The following FMN2 variants were observed in gnomAD, a reference collection of about 807,000 sequenced individuals.
The protein encoded by FMN2 is formin 2, also known as formin-2.
A neutral mutation model predicts 142.3 loss-of-function variants in FMN2; 51 were observed. The observed-to-expected ratio is 0.36, with a 90% confidence interval of 0.29 to 0.45. FMN2 has a LOEUF of 0.45. Among genes scored for constraint, FMN2 ranks in the 20% least tolerant of loss-of-function variants. The pLI, the probability that FMN2 is intolerant of heterozygous loss-of-function variation, is 1.00. For missense variants in FMN2, 1,936 were observed against 2,122.8 expected (o/e 0.91, Z 1.73); for synonymous variants, 882 against 869.8 (o/e 1.01, Z -0.25).
intron 7 of FMN2, among the ~76,000 whole-genome samples, chr1:240,290,780 G>GTTTTTTTTTTT (rs869026471): frequency 6.0e-5 from 6 of 100,194 alleles, no homozygotes; most frequent in Admixed American, 1.2e-4. Flanking sequence ...TGTTTGTTTG[G>GTTTTTTTTTTT]TTTTTTTTTT....
At chr1:240,472,683 A>G (rs1349636845) in intron 17 of FMN2, among the ~76,000 whole-genome samples, 2 of 152,094 alleles carry the variant, frequency 1.3e-5, no homozygotes, top group Non-Finnish European at 2.9e-5. Flanking sequence ...GTGGTGGCTC[A>G]TGCCTGTAAT....
chr1:240,301,098 C>G (rs1486823700), intron 8 of FMN2, among the ~76,000 whole-genome samples: 1 of 150,696 alleles, frequency 6.6e-6, no homozygotes, highest in Admixed American at 6.6e-5. Flanking sequence ...CATTTTTTGT[C>G]CCTCTAATTC....
chr1:240,455,176 G>T (rs200369307), intron 16 of FMN2, among the ~76,000 whole-genome samples: 1 of 35,938 alleles, frequency 2.8e-5, no homozygotes, highest in South Asian at 6.7e-4. Flanking sequence ...ATGACCATCG[G>T]AAAGTAAAGA....
At chr1:240,336,702 CAGA>C (rs1671576177) in intron 13 of FMN2, among the ~76,000 whole-genome samples, 1 of 151,602 alleles carries the variant, frequency 6.6e-6, no homozygotes, top group Non-Finnish European at 1.5e-5. Flanking sequence ...GTGTTAGTAA[CAGA>C]AGAATGGCAT....
At chr1:240,462,024 T>G (rs1676466583) in intron 16 of FMN2, among the ~76,000 whole-genome samples, 1 of 152,192 alleles carries the variant, frequency 6.6e-6, no homozygotes, top group Non-Finnish European at 1.5e-5. Context: ...ATTTCAACCT[T>G]CCTCAATGAG....
At chr1:240,324,874 T>G (rs576929542) in intron 8 of FMN2, among the ~76,000 whole-genome samples, 3 of 152,138 alleles carry the variant, frequency 2.0e-5, no homozygotes, top group Non-Finnish European at 4.4e-5. Context: ...GAATATTCAC[T>G]GCATGTCTGT....
chr1:240,418,201 ATT>A (rs147438271), intron 15 of FMN2, among the ~76,000 whole-genome samples: 4 of 138,142 alleles, frequency 2.9e-5, no homozygotes, highest in East Asian at 2.1e-4. Context: ...ATTTATTATG[ATT>A]TTTTTTTTTT....
intron 2 of FMN2, among the ~76,000 whole-genome samples, chr1:240,136,873 T>G (rs6688908): frequency 2.6e-5 from 4 of 151,612 alleles, no homozygotes; most frequent in Non-Finnish European, 4.4e-5. Flanking sequence ...GAGTTTGAGA[T>G]CAGCCTGACC....
intron 7 of FMN2, among the ~76,000 whole-genome samples, chr1:240,277,932 G>A (rs997662126): frequency 3.3e-5 from 5 of 152,004 alleles, no homozygotes; most frequent in Non-Finnish European, 5.9e-5. Context: ...TATTGAGTTC[G>A]TTAAAAATGG....
At position 240,340,948 on chromosome 1, in the gene FMN2, C is replaced by T. The variant is rs950707539; in HGVS notation, c.4765+6719C>T. 2.6e-5 allele frequency among the ~76,000 whole-genome samples: 4 copies of T among 152,168 alleles called. 1 individual carries two copies. In the Middle Eastern group the frequency reaches 0.01, roughly 388 times the overall value. On this transcript the variant is annotated intron_variant, in intron 13 of 17. Coordinates refer to ENST00000319653, the MANE Select transcript of FMN2 (RefSeq NM_020066.5). Reference sequence around the variant, plus strand: ...GTATTACTTCACTTTTCTCTTTTTTCCTGAAACTCCTTTTAGATGTACATT... The same window carrying T: ...GTATTACTTCACTTTTCTCTTTTTTTCTGAAACTCCTTTTAGATGTACATT...
At chr1:240,408,376 G>A (rs1319057919) in intron 15 of FMN2, among the ~76,000 whole-genome samples, 3 of 151,990 alleles carry the variant, frequency 2.0e-5, no homozygotes, top group Non-Finnish European at 4.4e-5. Flanking sequence ...GAATGAAAAA[G>A]GCAATAAGAA....
intron 14 of FMN2, among the ~76,000 whole-genome samples, chr1:240,367,877 C>A (rs535624009): frequency 1.3e-5 from 2 of 151,178 alleles, no homozygotes; most frequent in South Asian, 4.2e-4. Context: ...ACATTTAATC[C>A]TTCAGTCTAT....
chr1:240,109,337 C>T (rs1661723077), intron 1 of FMN2, among the ~76,000 whole-genome samples: 2 of 152,206 alleles, frequency 1.3e-5, no homozygotes, highest in African/African-American at 4.8e-5. Context: ...TGGATTGTCA[C>T]TGAGTCACTT....
chr1:240,115,698 G>A (rs1661993751), intron 1 of FMN2, among the ~76,000 whole-genome samples: 1 of 152,110 alleles, frequency 6.6e-6, no homozygotes, highest in African/African-American at 2.4e-5. Flanking sequence ...CCCCAAAACT[G>A]GGGTTCTGCC....
rs1013695051 is a variant in FMN2, at chr1:240,305,627, C to T, written c.4215+10744C>T. Among the ~76,000 whole-genome samples, 14 of 152,196 alleles carry T rather than the reference C, an allele frequency of 9.2e-5. No homozygotes were observed. The East Asian group carries it at 1.2e-3, about 13-fold the overall frequency. ...TAATCTAGTGAAAACAATAGTATTA[C>T]GTGGTTTGGAAAATGCTACTATAGT... On this transcript the variant is annotated intron_variant, in intron 8 of 17. Transcript: ENST00000319653.
intron 14 of FMN2, among the ~76,000 whole-genome samples, chr1:240,371,483 T>C (rs370787227): frequency 6.8e-4 from 103 of 152,306 alleles, no homozygotes; most frequent in African/African-American, 2.4e-3. Flanking sequence ...CCAGTTTTTT[T>C]TGAAGAAAAG....
chr1:240,251,678 C>T (rs974227361), intron 6 of FMN2, among the ~76,000 whole-genome samples: 5 of 152,090 alleles, frequency 3.3e-5, no homozygotes, highest in Non-Finnish European at 7.4e-5. Context: ...GTTGATGTCT[C>T]CTACTATTAT....
At chr1:240,333,533 A>C (rs750563146) in intron 11 of FMN2, among the ~76,000 whole-genome samples, 1 of 152,180 alleles carries the variant, frequency 6.6e-6, no homozygotes, top group Non-Finnish European at 1.5e-5. Context: ...CTTTTAATAT[A>C]GTAGTTTTAA....
chr1:240,222,770 C>A (rs1008081613), intron 6 of FMN2, among the ~76,000 whole-genome samples: 6 of 152,130 alleles, frequency 3.9e-5, no homozygotes, highest in Non-Finnish European at 5.9e-5. Flanking sequence ...AATGGGAGTT[C>A]ACTCATGATT....
Sources: allele counts gnomAD v4.1 joint callset (sites outside exome capture counted in the v4.1 genomes callset), GRCh38; gene constraint gnomAD v4.1.1; transcripts MANE v1.5; gene names NCBI Gene and HGNC (gene_info 2026-07-23, HGNC 2026-07-21).